Variants in AMOTL1 observed in about 807,000 individuals in gnomAD.
The protein encoded by AMOTL1 is angiomotin like 1.
In AMOTL1, 45 loss-of-function variants were observed where a neutral mutation model predicts 102.9. The observed-to-expected ratio is 0.44, with a 90% CI of 0.34 to 0.56. The LOEUF is 0.56. AMOTL1 is among the 20% of genes least tolerant of loss of function. The pLI, the probability that AMOTL1 is intolerant of heterozygous loss-of-function variation, is 0.01. For synonymous variants in AMOTL1, 481 were observed against 484.7 expected (o/e 0.99, Z 0.10); for missense variants, 1,114 against 1,225.6 (o/e 0.91, Z 1.36).
chr11:94,713,085 T>C (rs552822508), intron 1 of AMOTL1, among the ~76,000 whole-genome samples: 1 of 151,992 alleles, frequency 6.6e-6, no homozygotes, highest in East Asian at 1.9e-4. Flanking sequence ...TATGTCCAAT[T>C]TCTCAAGCAC....
In AMOTL1 at chr11:94,828,489, C is replaced by G. The variant is rs377664151; in HGVS notation, c.1414-1561C>G. On this transcript the variant is annotated intron_variant, in intron 4 of 12. Transcript: ENST00000433060. ...TTCCTTCCCCAGTATCTCTCACCCC[C>G]ACTAAGCCTCCCCTGCCCATAATTT... is the stretch of plus-strand genomic sequence containing the variant. Among the ~76,000 whole-genome samples, 590 of 152,250 alleles carry G rather than the reference C, an allele frequency of 3.9e-3. 2 individuals carry two copies. The highest frequency in any genetic ancestry group is 0.014 in the African/African-American group (572 of 41,526).
At chr11:94,710,665 C>T (rs1950009773) in intron 1 of AMOTL1, among the ~76,000 whole-genome samples, 1 of 152,202 alleles carries the variant, frequency 6.6e-6, no homozygotes, top group Non-Finnish European at 1.5e-5. Context: ...TTGGTCATCA[C>T]TCTACAGGTG....
At chr11:94,721,504 T>A (rs1438297404) in intron 1 of AMOTL1, among the ~76,000 whole-genome samples, 4 of 151,954 alleles carry the variant, frequency 2.6e-5, no homozygotes, top group African/African-American at 9.7e-5. Flanking sequence ...GTGAATAAAT[T>A]TAGGTGAGTC....
At chr11:94,787,687 C>CAA (rs59563004) in intron 1 of AMOTL1, among the ~76,000 whole-genome samples, 1 of 57,528 alleles carries the variant, frequency 1.7e-5, no homozygotes, top group Non-Finnish European at 2.8e-5. Flanking sequence ...AACTCCGTCT[C>CAA]AAAAAAAAAA....
chr11:94,748,091 T>G (rs1950610449), intron 3 of AMOTL1, among the ~76,000 whole-genome samples: 1 of 152,198 alleles, frequency 6.6e-6, no homozygotes, highest in African/African-American at 2.4e-5. Context: ...TTGGGCCATG[T>G]GGGTGCTTGG....
At chr11:94,788,025 G>C (rs1486315821) in intron 1 of AMOTL1, among the ~76,000 whole-genome samples, 2 of 152,166 alleles carry the variant, frequency 1.3e-5, no homozygotes, top group Admixed American at 1.3e-4. Flanking sequence ...TAGTGCTATC[G>C]CAGGTAGTTT....
intron 3 of AMOTL1, among the ~76,000 whole-genome samples, chr11:94,743,667 T>C (rs1398383780): frequency 6.3e-5 from 9 of 143,916 alleles, no homozygotes; most frequent in Non-Finnish European, 1.4e-4. Flanking sequence ...TTTTTTTTTT[T>C]TTTTTTTTTG....
At chr11:94,706,961 C>G (rs1020288183) in intron 1 of AMOTL1, among the ~76,000 whole-genome samples, 2 of 152,106 alleles carry the variant, frequency 1.3e-5, no homozygotes, top group African/African-American at 4.8e-5. Context: ...TGGGTAGACT[C>G]TTAGAGAGCT....
Position 94,866,055 on chromosome 11 carries a change from G to T in AMOTL1, c.2375G>T (p.Arg792Leu). 1 of 1,613,900 alleles carries T rather than the reference G, an allele frequency of 6.2e-7. No individual in the cohort carries two copies. ...GACTCCTCCAGCCTACGTCCTGCCCGCTCCGTTCCATCCATAGCAGCAGCT... is the reference window on the plus strand; with the variant it reads ...GACTCCTCCAGCCTACGTCCTGCCCTCTCCGTTCCATCCATAGCAGCAGCT... Reference protein sequence around the residue: ...KTDSSSLRPARSVPSIAAATG... With the variant: ...KTDSSSLRPALSVPSIAAATG... Residue 792 changes from arginine to leucine, a missense_variant, in exon 11 of 13, where the codon CGC (arginine) becomes CTC (leucine). Coordinates refer to ENST00000433060, the MANE Select transcript of AMOTL1 (RefSeq NM_130847.3).
At chr11:94,840,381 T>C (rs113775632) in intron 6 of AMOTL1, among the ~76,000 whole-genome samples, 14 of 152,070 alleles carry the variant, frequency 9.2e-5, no homozygotes, top group Non-Finnish European at 1.8e-4. Flanking sequence ...GTTACTAATT[T>C]TCTTTTTGCT....
chr11:94,848,317 G>A (rs1952461487), intron 6 of AMOTL1, among the ~76,000 whole-genome samples: 2 of 152,158 alleles, frequency 1.3e-5, no homozygotes. Flanking sequence ...CTGCAGAAAG[G>A]AAGAAGGGGC....
chr11:94,779,787 TC>T (rs1951081270), intron 1 of AMOTL1, among the ~76,000 whole-genome samples: 1 of 152,180 alleles, frequency 6.6e-6, no homozygotes, highest in African/African-American at 2.4e-5. Flanking sequence ...GGAAAAATTA[TC>T]CAGTTATCTG....
Position 94,854,007 on chromosome 11 carries a change from T to C in AMOTL1, c.1869T>C (p.Cys623=). ...QQALTQLQSA[C]EKREQMERRL... ...CCCTGACCCAGCTGCAGTCTGCATG[T>C]GAGAAGCGAGAACAGATGGAGCGGA... The change falls in exon 8 of 13, where the codon TGT becomes TGC. Residue 623 remains cysteine, a synonymous_variant. Coordinates refer to ENST00000433060, the MANE Select transcript of AMOTL1 (RefSeq NM_130847.3). 1 of 1,588,548 alleles carries C rather than the reference T, an allele frequency of 6.3e-7. No individual in the cohort carries two copies. The highest frequency in any genetic ancestry group is 8.6e-7 in the Non-Finnish European group (1 of 1,166,614).
intron 4 of AMOTL1, among the ~76,000 whole-genome samples, chr11:94,827,167 G>A (rs1300186348): frequency 1.3e-5 from 2 of 152,160 alleles, no homozygotes; most frequent in Non-Finnish European, 2.9e-5. Flanking sequence ...GTTAGTAGTC[G>A]AATCAGAGCC....
intron 3 of AMOTL1, among the ~76,000 whole-genome samples, chr11:94,818,298 A>G (rs1344511599): frequency 6.6e-6 from 1 of 152,190 alleles, no homozygotes; most frequent in Non-Finnish European, 1.5e-5. Context: ...ACCTGCAGTA[A>G]GTAAAGAATG....
chr11:94,843,894 G>A (rs1043603657), intron 6 of AMOTL1, among the ~76,000 whole-genome samples: 5 of 152,084 alleles, frequency 3.3e-5, no homozygotes, highest in African/African-American at 9.7e-5. Context: ...CTCTTCACGC[G>A]GAGGTTCATT....
chr11:94,822,876 A>T (rs1405214922), intron 4 of AMOTL1, among the ~76,000 whole-genome samples: 1 of 152,142 alleles, frequency 6.6e-6, no homozygotes, highest in East Asian at 1.9e-4. Context: ...GCCATAGAGC[A>T]CTTGAGTTTC....
intron 8 of AMOTL1, among the ~76,000 whole-genome samples, chr11:94,855,408 A>G (rs1952642146): frequency 6.6e-6 from 1 of 152,224 alleles, no homozygotes; most frequent in South Asian, 2.1e-4. Flanking sequence ...ACTGTGCCAC[A>G]TACTTTGGCA....
intron 12 of AMOTL1, among the ~76,000 whole-genome samples, chr11:94,869,715 C>T (rs180789688): frequency 6.6e-6 from 1 of 152,320 alleles, no homozygotes; most frequent in Admixed American, 6.5e-5. Context: ...CCTGGCAATG[C>T]ATACTTTTTA....
Sources: gnomAD v4.1 joint callset for allele counts (sites outside exome capture counted in the v4.1 genomes callset) on GRCh38, gnomAD v4.1.1 for gene constraint, MANE v1.5 for transcripts, NCBI Gene and HGNC (gene_info 2026-07-23, HGNC 2026-07-21) for gene names.